ZNF420: variants seen among roughly 807,000 people sequenced by gnomAD.
The protein encoded by ZNF420 is ATM and p53-associated KZNF protein.
In ZNF420, 31 loss-of-function variants were observed where a neutral mutation model predicts 44.7. The ratio of observed to expected loss-of-function variants is 0.69; its 90% CI spans 0.52 to 0.94. The LOEUF (loss-of-function observed/expected upper bound fraction) is 0.94, where lower values mean the gene tolerates loss of function less well. Among genes scored for constraint, ZNF420 ranks in the 40% least tolerant of loss-of-function variants. The pLI is 0.00. For synonymous variants in ZNF420, 245 were observed against 267.4 expected, an observed-to-expected ratio of 0.92 and a Z score of 0.82; for missense variants, 681 against 827.9, an observed-to-expected ratio of 0.82 and a Z score of 2.18.
At chr19:37,067,985 A>G (rs1967997050) in intron 1 of ZNF420, among the ~76,000 whole-genome samples, 1 of 152,178 alleles carries the variant, frequency 6.6e-6, no homozygotes, top group East Asian at 1.9e-4. Context: ...TTTTTAAAAT[A>G]TATATTAGTG....
intron 1 of ZNF420, among the ~76,000 whole-genome samples, chr19:37,065,494 G>C (rs1351512734): frequency 6.6e-6 from 1 of 152,242 alleles, no homozygotes; most frequent in Non-Finnish European, 1.5e-5. Flanking sequence ...GAGGAAGGGG[G>C]CCGTGAGCCA....
intron 1 of ZNF420, among the ~76,000 whole-genome samples, chr19:37,059,035 C>A (rs1212431108): frequency 6.6e-6 from 1 of 152,202 alleles, no homozygotes; most frequent in Non-Finnish European, 1.5e-5. Flanking sequence ...GCCTGCCTCA[C>A]CACATGCCTC....
At chr19:37,087,287 AAAAAAATAAATAAATAAATAAAT>A (rs1315845112) in intron 2 of ZNF420, among the ~76,000 whole-genome samples, 8 of 119,018 alleles carry the variant, frequency 6.7e-5, no homozygotes, top group African/African-American at 1.8e-4. Context: ...TGTCTCAAAA[AAAAAAATAAATAAATAAATAAAT>A]AAATAAATAA....
chr19:37,121,775 G>GAA (rs917671548), intron 4 of ZNF420, among the ~76,000 whole-genome samples: 2 of 151,712 alleles, frequency 1.3e-5, no homozygotes, highest in Non-Finnish European at 2.9e-5. Context: ...AAATTTACAA[G>GAA]AAAAAAACAA....
At chr19:37,118,883 A>G (rs1044192454) in intron 4 of ZNF420, among the ~76,000 whole-genome samples, 1 of 151,946 alleles carries the variant, frequency 6.6e-6, no homozygotes, top group African/African-American at 2.4e-5. Flanking sequence ...AGGCCATTAC[A>G]TAATGTTAAA....
intron 1 of ZNF420, among the ~76,000 whole-genome samples, chr19:37,047,730 C>G (rs531716272): frequency 2.0e-5 from 3 of 152,258 alleles, no homozygotes; most frequent in Non-Finnish European, 4.4e-5. Context: ...GTGTCCAGGT[C>G]AGAAAGTCCA....
chr19:37,014,159 CTT>C (rs940142318), intron 1 of ZNF420, among the ~76,000 whole-genome samples: 2 of 152,132 alleles, frequency 1.3e-5, no homozygotes, highest in Admixed American at 6.5e-5. Flanking sequence ...CTCAAGCTGT[CTT>C]TCCTTCACCC....
chr19:37,029,155 C>G (rs1967204712), intron 1 of ZNF420, among the ~76,000 whole-genome samples: 1 of 152,142 alleles, frequency 6.6e-6, no homozygotes, highest in African/African-American at 2.4e-5. Context: ...AATGCTTGGT[C>G]ACAGGTATCC....
intron 4 of ZNF420, among the ~76,000 whole-genome samples, chr19:37,121,498 G>T (rs1029517803): frequency 1.3e-5 from 2 of 151,454 alleles, no homozygotes. Context: ...AGACTTAAAC[G>T]TTAGACCTAA....
At chr19:37,034,291 G>A (rs1393435874) in intron 1 of ZNF420, among the ~76,000 whole-genome samples, 1 of 152,038 alleles carries the variant, frequency 6.6e-6, no homozygotes, top group Non-Finnish European at 1.5e-5. Flanking sequence ...TCTTTCATGT[G>A]CTTGATGGCC....
intron 1 of ZNF420, among the ~76,000 whole-genome samples, chr19:37,014,751 C>T (rs2074597468): frequency 6.6e-6 from 1 of 152,194 alleles, no homozygotes; most frequent in African/African-American, 2.4e-5. Context: ...ATTGCCTGGG[C>T]ACGGGTCCCA....
At chr19:37,105,115 G>A (rs1336797490) in intron 4 of ZNF420, among the ~76,000 whole-genome samples, 2 of 151,988 alleles carry the variant, frequency 1.3e-5, no homozygotes, top group African/African-American at 2.4e-5. Context: ...TTTCTTCTAG[G>A]GTTTTTATGG....
intron 2 of ZNF420, among the ~76,000 whole-genome samples, chr19:37,084,418 A>G (rs1599647981): frequency 1.3e-5 from 2 of 152,248 alleles, no homozygotes; most frequent in East Asian, 3.9e-4. Context: ...TCCAAAGTCA[A>G]ATAGATTTGA....
rs985615853 is a variant in ZNF420 at position 37,119,250 on chromosome 19, A to G, written c.137-7878A>G. Among the ~76,000 whole-genome samples, 7 of 152,274 alleles carry G rather than the reference A, an allele frequency of 4.6e-5. No individual in the cohort carries two copies. In the East Asian group the frequency reaches 1.3e-3, roughly 29 times the overall value. On this transcript the variant is annotated intron_variant, in intron 4 of 4. Transcript: ENST00000337995. ...AGCTCTCCTCAGCAAATGTAAAAGA[A>G]CAGAAATTATAACAAACTGTCTCTC...
chr19:37,011,869 G>C (rs1238540425), intron 1 of ZNF420, among the ~76,000 whole-genome samples: 1 of 152,192 alleles, frequency 6.6e-6, no homozygotes, highest in Non-Finnish European at 1.5e-5. Flanking sequence ...GTACTAGAAA[G>C]CGGTGTCTTC....
chr19:37,097,274 C>A (rs1969509897), intron 4 of ZNF420, among the ~76,000 whole-genome samples: 1 of 151,890 alleles, frequency 6.6e-6, no homozygotes, highest in Non-Finnish European at 1.5e-5. Context: ...GTAACATTTT[C>A]TAAATGGCTA....
At position 37,091,027 on chromosome 19, in the gene ZNF420, C is replaced by A. The variant is rs376320020; in HGVS notation, c.42C>A (p.Asp14Glu). The A allele has an allele frequency of 2.6e-5, 42 of 1,613,288 alleles. No individual in the cohort carries two copies. The highest frequency in any genetic ancestry group is 3.3e-5 in the Non-Finnish European group (39 of 1,179,770). ...KLVMFRDVAI[D>E]FSQEEWECLD... ...TGATGTTCAGGGATGTTGCCATTGACTTCTCTCAGGAAGAGTGGGAATGCC... is the reference window on the plus strand; with the variant it reads ...TGATGTTCAGGGATGTTGCCATTGAATTCTCTCAGGAAGAGTGGGAATGCC... Residue 14 changes from aspartate to glutamate, a missense_variant, in exon 4 of 5, where the codon GAC becomes GAA. By Grantham distance (45) the Asp-to-Glu change is conservative. This residue lies in a region of ZNF420 where 350 missense variants were observed against 382.5 expected (regional missense o/e 0.92). Transcript: ENST00000337995.
chr19:37,120,065 C>T (rs1750027069), intron 4 of ZNF420, among the ~76,000 whole-genome samples: 4 of 151,270 alleles, frequency 2.6e-5, no homozygotes, highest in African/African-American at 9.8e-5. Context: ...TGGTACCATT[C>T]CTTCTGAAAC....
Position 37,091,016 on chromosome 19 carries a change from G to A in ZNF420, c.31G>A (p.Val11Ile). 6.2e-7 allele frequency: 1 copy of A among 1,613,286 alleles called. No individual in the cohort carries two copies. Among genetic ancestry groups the A allele is most frequent in the Non-Finnish European group, 8.5e-7 (1 of 1,179,736 alleles). The change falls in exon 4 of 5, where the codon GTT becomes ATT. Residue 11 changes from valine to isoleucine, a missense_variant. Val to Ile is a conservative substitution (Grantham distance 29). Coordinates refer to ENST00000337995, the MANE Select transcript of ZNF420 (RefSeq NM_144689.5). ...TCAGAAATTAGTGATGTTCAGGGAT[G>A]TTGCCATTGACTTCTCTCAGGAAGA... Reference protein sequence around the residue: MARKLVMFRDVAIDFSQEEWE... With the variant: MARKLVMFRDIAIDFSQEEWE...
Sources: allele counts gnomAD v4.1 joint callset (sites outside exome capture counted in the v4.1 genomes callset), GRCh38; gene constraint gnomAD v4.1.1; regional missense constraint gnomAD v4.1.1; transcripts MANE v1.5; gene names NCBI Gene and HGNC (gene_info 2026-07-23, HGNC 2026-07-21).